Variants in ADAMTS12 observed in about 807,000 individuals in gnomAD.
The protein encoded by ADAMTS12 is ADAM metallopeptidase with thrombospondin type 1 motif 12, also known as A disintegrin and metalloproteinase with thrombospondin motifs 12.
A neutral mutation model predicts 167.8 loss-of-function variants in ADAMTS12; 118 were observed. The ratio of observed to expected loss-of-function variants is 0.70; its 90% CI spans 0.61 to 0.82. The LOEUF (loss-of-function observed/expected upper bound fraction) is 0.82, where lower values mean the gene tolerates loss of function less well. Among genes scored for constraint, ADAMTS12 ranks in the 40% least tolerant of loss-of-function variants. The pLI is 0.00. For missense variants in ADAMTS12, 1,916 were observed against 1,998.8 expected (o/e 0.96, Z 0.79); for synonymous variants, 704 against 716.9 (o/e 0.98, Z 0.29).
At chr5:33,891,115 G>A (rs540580029) in intron 1 of ADAMTS12, among the ~76,000 whole-genome samples, 5 of 152,282 alleles carry the variant, frequency 3.3e-5, no homozygotes, top group Admixed American at 3.3e-4. Context: ...AATAACATGA[G>A]TTCAGAAATT....
chr5:33,769,245 A>G (rs1745654711), intron 2 of ADAMTS12, among the ~76,000 whole-genome samples: 1 of 152,040 alleles, frequency 6.6e-6, no homozygotes, highest in Non-Finnish European at 1.5e-5. Context: ...ACTGATTTTG[A>G]CTCACTGAGA....
At chr5:33,715,884 G>C (rs985974819) in intron 3 of ADAMTS12, among the ~76,000 whole-genome samples, 1 of 152,068 alleles carries the variant, frequency 6.6e-6, no homozygotes, top group Non-Finnish European at 1.5e-5. Flanking sequence ...CCCCACCCAA[G>C]TTTCTTCTAA....
chr5:33,689,210 A>T (rs1394083422), intron 3 of ADAMTS12, among the ~76,000 whole-genome samples: 1 of 152,192 alleles, frequency 6.6e-6, no homozygotes, highest in East Asian at 1.9e-4. Context: ...AGTAAATCTT[A>T]TTGTCATTTT....
Position 33,579,956 on chromosome 5 carries a change from G to C in ADAMTS12, c.2866-2796C>G, listed in dbSNP as rs1746974302. Among the ~76,000 whole-genome samples, 5 of 152,372 alleles carry C rather than the reference G, an allele frequency of 3.3e-5. No homozygotes were observed. The South Asian group carries it at 1.0e-3, about 32-fold the overall frequency. On this transcript the variant is annotated intron_variant, in intron 18 of 23. Transcript: ENST00000504830. ...ACAGGGAGGTGTGACGTGAGCAGCT[G>C]TCTTGGTGAGGTAGGTGCAGGCACA...
At chr5:33,652,379 T>C (rs1740895716) in intron 7 of ADAMTS12, among the ~76,000 whole-genome samples, 1 of 152,162 alleles carries the variant, frequency 6.6e-6, no homozygotes, top group Admixed American at 6.5e-5. Context: ...CTCTGATAAT[T>C]AGTGATGTTG....
rs142034969 is a variant in ADAMTS12 at position 33,771,045 on chromosome 5, A to C, written c.490-19497T>G. Among the ~76,000 whole-genome samples the C allele has an allele frequency of 6.0e-3, 921 of 152,256 alleles. 8 individuals are homozygous for C. The highest frequency in any genetic ancestry group is 0.021 in the African/African-American group (889 of 41,544). On this transcript the variant is annotated intron_variant, in intron 2 of 23. Transcript: ENST00000504830. ...GACTTCATATTATAGACAGGCAGGCATATATTTACAGGTTAGTAAATGTCA... is the reference window on the plus strand; with the variant it reads ...GACTTCATATTATAGACAGGCAGGCCTATATTTACAGGTTAGTAAATGTCA...
intron 12 of ADAMTS12, 119 bp from the exon 13 acceptor site, chr5:33,631,032 C>T: frequency 2.5e-6 from 3 of 1,218,490 alleles, no homozygotes; most frequent in African/African-American, 3.0e-5. Context: ...CCCACCTTTT[C>T]ACCTCCTTGA....
chr5:33,583,967 A>G (rs1408368146), intron 18 of ADAMTS12, among the ~76,000 whole-genome samples: 1 of 152,262 alleles, frequency 6.6e-6, no homozygotes, highest in Non-Finnish European at 1.5e-5. Context: ...AATAATTTCC[A>G]AACACAAAAC....
intron 2 of ADAMTS12, among the ~76,000 whole-genome samples, chr5:33,880,655 C>A (rs887584428): frequency 6.6e-6 from 1 of 152,224 alleles, no homozygotes; most frequent in Non-Finnish European, 1.5e-5. Flanking sequence ...ACTGACTGCC[C>A]GAGGTTCCCT....
chr5:33,793,773 C>T (rs1352480568), intron 2 of ADAMTS12, among the ~76,000 whole-genome samples: 1 of 152,128 alleles, frequency 6.6e-6, no homozygotes, highest in African/African-American at 2.4e-5. Context: ...CGTGCCCCCA[C>T]CAACAATCCC....
At position 33,881,403 on chromosome 5, in the gene ADAMTS12, A is replaced by G. The variant is rs768908976; in HGVS notation, c.205T>C (p.Tyr69His). ...CTCGTGATGGGATAGTGCAAGCCATATGACAAAAAATGCCCACTGGCATCT... is the reference window on the plus strand; with the variant it reads ...CTCGTGATGGGATAGTGCAAGCCATGTGACAAAAAATGCCCACTGGCATCT... ...RVDASGHFLSYGLHYPITSSR... is the reference protein window; with the variant it reads ...RVDASGHFLSHGLHYPITSSR... The change falls in exon 2 of 24, where the codon TAT becomes CAT. Residue 69 changes from tyrosine to histidine, a missense_variant. Tyr to His is a moderately conservative substitution (Grantham distance 83, BLOSUM62 2). Coordinates refer to ENST00000504830, the MANE Select transcript of ADAMTS12 (RefSeq NM_030955.4). 6.2e-7 allele frequency: 1 copy of G among 1,614,124 alleles called. No individual in the cohort carries two copies.
chr5:33,549,403 A>C lies in ADAMTS12; in HGVS notation c.4126-20T>G. 6.3e-7 allele frequency: 1 copy of C among 1,599,208 alleles called. No individual in the cohort carries two copies. The highest frequency in any genetic ancestry group is 1.1e-5 in the South Asian group (1 of 90,412). ...GGAGCACTGTATGGAGAGAAAAATC[A>C]AAGGCGATCTCTGAGTCATTGGCAT... On this transcript the variant is annotated intron_variant, in intron 20 of 23. Coordinates refer to ENST00000504830, the MANE Select transcript of ADAMTS12 (RefSeq NM_030955.4).
intron 3 of ADAMTS12, among the ~76,000 whole-genome samples, chr5:33,735,844 T>A (rs1744355156): frequency 6.6e-6 from 1 of 152,144 alleles, no homozygotes; most frequent in African/African-American, 2.4e-5. Flanking sequence ...CCCAGGAACA[T>A]CCTGGTCACT....
intron 18 of ADAMTS12, among the ~76,000 whole-genome samples, chr5:33,583,547 T>C (rs1747183474): frequency 1.3e-5 from 2 of 152,178 alleles, no homozygotes; most frequent in Non-Finnish European, 2.9e-5. Context: ...GCTTAACTTT[T>C]ACGTTTTTGA....
intron 3 of ADAMTS12, among the ~76,000 whole-genome samples, chr5:33,698,883 G>A (rs1369663725): frequency 6.6e-6 from 1 of 152,188 alleles, no homozygotes; most frequent in Non-Finnish European, 1.5e-5. Flanking sequence ...CTGGCTGGGC[G>A]TGGTGGCTTA....
At chr5:33,600,472 T>C (rs1017334615) in intron 16 of ADAMTS12, among the ~76,000 whole-genome samples, 2 of 152,186 alleles carry the variant, frequency 1.3e-5, no homozygotes, top group Admixed American at 6.5e-5. Context: ...TTAATTAAAT[T>C]TGATTCAAAA....
At chr5:33,828,964 T>C (rs55766742) in intron 2 of ADAMTS12, among the ~76,000 whole-genome samples, 13,303 of 152,164 alleles carry the variant, frequency 0.087, 822 homozygotes, top group South Asian at 0.28. Flanking sequence ...CCACTTGGGA[T>C]GGGGAGTGGG....
At chr5:33,724,864 C>T (rs541201418) in intron 3 of ADAMTS12, among the ~76,000 whole-genome samples, 1 of 152,232 alleles carries the variant, frequency 6.6e-6, no homozygotes, top group African/African-American at 2.4e-5. Flanking sequence ...AGCTTCTTAT[C>T]AAAATCCACT....
intron 3 of ADAMTS12, among the ~76,000 whole-genome samples, chr5:33,751,044 T>C (rs1744951636): frequency 6.6e-6 from 1 of 152,184 alleles, no homozygotes; most frequent in Admixed American, 6.5e-5. Context: ...ATACTGAAAA[T>C]CATTACGTCT....
Sources: allele counts gnomAD v4.1 joint callset (sites outside exome capture counted in the v4.1 genomes callset), GRCh38; gene constraint gnomAD v4.1.1; transcripts MANE v1.5; gene names NCBI Gene and HGNC (gene_info 2026-07-23, HGNC 2026-07-21).